AGBL1: variants seen among roughly 807,000 people sequenced by gnomAD.
AGBL1 encodes the protein cytosolic carboxypeptidase 4.
A neutral mutation model predicts 118.9 loss-of-function variants in AGBL1; 130 were observed. The ratio of observed to expected loss-of-function variants is 1.09; its 90% CI spans 0.95 to 1.26. The LOEUF (loss-of-function observed/expected upper bound fraction) is 1.26. AGBL1 is among the 50% of genes most tolerant of loss of function. The probability of loss-of-function intolerance (pLI) is 0.00; values close to 1 mark genes in which losing one functional copy is unlikely to be tolerated. For missense variants in AGBL1, 1,584 were observed against 1,298.1 expected, an observed-to-expected ratio of 1.22 and a Z score of -3.38; for synonymous variants, 555 against 478.9, an observed-to-expected ratio of 1.16 and a Z score of -2.08.
At chr15:86,838,960 A>AAAG (rs1466214730) in intron 22 of AGBL1, among the ~76,000 whole-genome samples, 2 of 150,482 alleles carry the variant, frequency 1.3e-5, no homozygotes, top group Non-Finnish European at 3.0e-5. Flanking sequence ...AAAAAAAAAA[A>AAAG]AAAAAAGAAA....
intron 22 of AGBL1, among the ~76,000 whole-genome samples, chr15:86,801,292 T>C (rs1321244808): frequency 6.7e-6 from 1 of 150,126 alleles, no homozygotes; most frequent in Non-Finnish European, 1.5e-5. Flanking sequence ...TTTCTTGGCT[T>C]ATAACTGTTG....
chr15:86,146,276 G>A (rs892088291), intron 3 of AGBL1, among the ~76,000 whole-genome samples: 1 of 152,002 alleles, frequency 6.6e-6, no homozygotes, highest in African/African-American at 2.4e-5. Flanking sequence ...CTTTTTTCTT[G>A]TCATTATTCC....
At chr15:86,713,895 A>G (rs1020545388) in intron 22 of AGBL1, among the ~76,000 whole-genome samples, 84 of 152,174 alleles carry the variant, frequency 5.5e-4, no homozygotes, top group African/African-American at 1.9e-3. Flanking sequence ...AGAGCATTTG[A>G]CCAAGTTGAG....
intron 18 of AGBL1, among the ~76,000 whole-genome samples, chr15:86,474,661 CA>C (rs2082528668): frequency 6.6e-6 from 1 of 152,124 alleles, no homozygotes; most frequent in Admixed American, 6.5e-5. Context: ...AGGGCATAGC[CA>C]AACAAAAGGC....
chr15:86,217,107 T>G (rs1052434531), intron 5 of AGBL1, among the ~76,000 whole-genome samples: 1 of 152,260 alleles, frequency 6.6e-6, no homozygotes, highest in African/African-American at 2.4e-5. Flanking sequence ...GTTGTTGTTT[T>G]TTCTTTTTTT....
At chr15:86,216,498 C>T (rs887997143) in intron 5 of AGBL1, among the ~76,000 whole-genome samples, 8 of 152,072 alleles carry the variant, frequency 5.3e-5, no homozygotes, top group Non-Finnish European at 1.0e-4. Context: ...AATACTTTTC[C>T]TGCGTGTTTT....
chr15:86,406,563 A>G (rs1015735149), intron 18 of AGBL1, among the ~76,000 whole-genome samples: 78 of 152,178 alleles, frequency 5.1e-4, no homozygotes, highest in African/African-American at 1.8e-3. Flanking sequence ...TTTACATTAT[A>G]ATCTATTATA....
At chr15:86,575,413 T>C (rs1029598113) in intron 21 of AGBL1, among the ~76,000 whole-genome samples, 1 of 151,662 alleles carries the variant, frequency 6.6e-6, no homozygotes, top group Non-Finnish European at 1.5e-5. Context: ...GGCAGGAGGA[T>C]CACTTGAGCC....
chr15:86,100,947 A>G (rs1487379077), intron 1 of AGBL1, among the ~76,000 whole-genome samples: 1 of 151,782 alleles, frequency 6.6e-6, no homozygotes, highest in Non-Finnish European at 1.5e-5. Context: ...TAGTTGTTTC[A>G]TGTGCATTGT....
chr15:86,868,011 G>A (rs901029494), intron 22 of AGBL1, among the ~76,000 whole-genome samples: 8 of 152,022 alleles, frequency 5.3e-5, no homozygotes, highest in African/African-American at 1.9e-4. Flanking sequence ...CATATATTGG[G>A]GCCATGATCC....
intron 17 of AGBL1, among the ~76,000 whole-genome samples, chr15:86,304,750 T>A (rs1344132977): frequency 1.3e-5 from 2 of 152,216 alleles, no homozygotes; most frequent in African/African-American, 4.8e-5. Context: ...TCCACACCAC[T>A]TCATTCTTTC....
chr15:86,702,840 T>C (rs2086383677), intron 22 of AGBL1, among the ~76,000 whole-genome samples: 1 of 140,650 alleles, frequency 7.1e-6, no homozygotes, highest in South Asian at 2.5e-4. Context: ...TTGCCCAGTC[T>C]CCTGGGGTAA....
chr15:86,697,406 T>A (rs2142629517), intron 22 of AGBL1, among the ~76,000 whole-genome samples: 1 of 152,022 alleles, frequency 6.6e-6, no homozygotes, highest in African/African-American at 2.4e-5. Flanking sequence ...TCCTGTACAT[T>A]TTGCGTTTCT....
chr15:86,887,476 G>A (rs74910121), intron 22 of AGBL1, among the ~76,000 whole-genome samples: 17,990 of 152,062 alleles, frequency 0.12, 1,152 homozygotes, highest in East Asian at 0.27. Context: ...TATTGTTTAA[G>A]CATCTCTCTC....
At chr15:86,245,651 G>A (rs1437603372) in intron 6 of AGBL1, among the ~76,000 whole-genome samples, 3 of 152,156 alleles carry the variant, frequency 2.0e-5, no homozygotes, top group Admixed American at 6.5e-5. Flanking sequence ...CGTAAAATAC[G>A]GTTTTATGGG....
intron 1 of AGBL1, among the ~76,000 whole-genome samples, chr15:86,119,391 C>T (rs538028015): frequency 1.3e-4 from 20 of 151,808 alleles, no homozygotes; most frequent in Admixed American, 8.5e-4. Context: ...TACTGATGGG[C>T]TTCTTCTGGC....
chr15:86,772,067 T>C (rs1464022295), intron 22 of AGBL1, among the ~76,000 whole-genome samples: 2 of 152,024 alleles, frequency 1.3e-5, no homozygotes, highest in African/African-American at 2.4e-5. Context: ...AGAGTGGAAG[T>C]ATAAGACATG....
intron 18 of AGBL1, among the ~76,000 whole-genome samples, chr15:86,498,207 C>T (rs945898333): frequency 1.3e-5 from 2 of 151,780 alleles, no homozygotes; most frequent in Non-Finnish European, 2.9e-5. Flanking sequence ...TTATAATTGA[C>T]CCCCAATTCA....
chr15:86,735,936 T>G (rs1050813478), intron 22 of AGBL1, among the ~76,000 whole-genome samples: 4 of 152,100 alleles, frequency 2.6e-5, no homozygotes, highest in African/African-American at 9.7e-5. Flanking sequence ...TGATTCTCAT[T>G]GCTTATTCAT....
Sources: allele counts gnomAD v4.1 joint callset (sites outside exome capture counted in the v4.1 genomes callset), GRCh38; gene constraint gnomAD v4.1.1; transcripts MANE v1.5; gene names NCBI Gene and HGNC (gene_info 2026-07-23, HGNC 2026-07-21).